SOX6: variants seen among roughly 807,000 people sequenced by gnomAD.
The protein encoded by SOX6 is SRY-box transcription factor 6, also known as transcription factor SOX-6.
Under a neutral mutation model 97.8 loss-of-function variants are expected in SOX6, and 11 were observed. The observed-to-expected ratio is 0.11, with a 90% CI of 0.07 to 0.19. The LOEUF (loss-of-function observed/expected upper bound fraction) is 0.19. Among genes scored for constraint, SOX6 ranks in the 10% least tolerant of loss-of-function variants. SOX6 has a pLI of 1.00. For synonymous variants in SOX6, 360 were observed against 371.4 expected, an observed-to-expected ratio of 0.97 and a Z score of 0.35; for missense variants, 810 against 1,039.5, an observed-to-expected ratio of 0.78 and a Z score of 3.04.
chr11:16,652,867 A>C (rs1416418319), intron 3 of SOX6, among the ~76,000 whole-genome samples: 2 of 152,148 alleles, frequency 1.3e-5, no homozygotes, highest in African/African-American at 4.8e-5. Flanking sequence ...CTATGCATCC[A>C]ACAAAGGACT....
chr11:16,440,434 C>T (rs541371453), intron 1 of SOX6, among the ~76,000 whole-genome samples: 9 of 152,276 alleles, frequency 5.9e-5, no homozygotes, highest in South Asian at 2.1e-4. Flanking sequence ...AGAAGCAGGA[C>T]GCAGAGCATA....
chr11:16,339,960 A>T (rs1565100165), intron 2 of SOX6, among the ~76,000 whole-genome samples: 2 of 152,068 alleles, frequency 1.3e-5, no homozygotes, highest in African/African-American at 4.8e-5. Context: ...TCCCTTTCAA[A>T]ACTAAAATTA....
chr11:16,138,520 T>G (rs554517733), intron 6 of SOX6, among the ~76,000 whole-genome samples: 3 of 152,146 alleles, frequency 2.0e-5, no homozygotes, highest in East Asian at 1.9e-4. Flanking sequence ...TAAAAATTTT[T>G]TTGTTGTTGT....
chr11:15,988,647 G>A (rs1039894387), intron 14 of SOX6, among the ~76,000 whole-genome samples: 2 of 152,198 alleles, frequency 1.3e-5, no homozygotes, highest in African/African-American at 2.4e-5. Context: ...CACAGTAAAA[G>A]GAGATAAAGC....
At chr11:16,668,962 CT>C (rs1389758804) in intron 3 of SOX6, among the ~76,000 whole-genome samples, 1 of 152,326 alleles carries the variant, frequency 6.6e-6, no homozygotes, top group Non-Finnish European at 1.5e-5. Context: ...TAACACCATG[CT>C]TTCAGCACTG....
intron 6 of SOX6, among the ~76,000 whole-genome samples, chr11:16,180,430 T>C (rs1453959298): frequency 6.6e-6 from 1 of 151,722 alleles, no homozygotes; most frequent in African/African-American, 2.4e-5. Context: ...CCATGACCTA[T>C]TAGTTTTGCT....
intron 13 of SOX6, 146 bp downstream of exon 13, chr11:16,014,796 G>A (rs954975969): frequency 3.0e-5 from 22 of 736,936 alleles, no homozygotes; most frequent in South Asian, 1.7e-4. Context: ...ACATACATAC[G>A]TAGTTGAAGA....
intron 1 of SOX6, among the ~76,000 whole-genome samples, chr11:16,385,178 C>A (rs1857944534): frequency 6.6e-6 from 1 of 152,028 alleles, no homozygotes; most frequent in Non-Finnish European, 1.5e-5. Flanking sequence ...TAATCTGTGG[C>A]AGAATCATAA....
At position 16,496,067 on chromosome 11, in the gene SOX6, C is replaced by G. The variant is rs181086467; in HGVS notation, n.610-19679G>C. On this transcript the variant is annotated intron_variant and non_coding_transcript_variant, in intron 4 of 5. Transcript: ENST00000524520. ...TGCTCTACTCAACGAACCCCATAGA[C>G]AGAGCTTCAAGGAAGAGTCCTCTGC... 2.1e-3 allele frequency among the ~76,000 whole-genome samples: 322 copies of G among 152,244 alleles called. 5 individuals are homozygous for G. Among genetic ancestry groups the G allele is most frequent in the Non-Finnish European group, 2.9e-4 (20 of 68,020 alleles).
chr11:15,988,856 C>A (rs554107102), intron 14 of SOX6, 141 bp downstream of exon 14: 1 of 776,376 alleles, frequency 1.3e-6, no homozygotes, highest in South Asian at 1.6e-5. Flanking sequence ...AAGGCTCCTG[C>A]GGCAGCTGGC....
Position 16,179,358 on chromosome 11 carries a change from G to A in SOX6, c.777+4528C>T, listed in dbSNP as rs556299944. ...TACAGACTCACAAAATATATAAATAGCACACAGGAATATATTATAATCAAA... is the reference window on the plus strand; with the variant it reads ...TACAGACTCACAAAATATATAAATAACACACAGGAATATATTATAATCAAA... On this transcript the variant is annotated intron_variant, in intron 6 of 15. Transcript: ENST00000683767. 5.9e-5 allele frequency among the ~76,000 whole-genome samples: 9 copies of A among 151,804 alleles called. No homozygotes were observed. In the South Asian group the frequency reaches 1.0e-3, roughly 17 times the overall value.
At chr11:16,489,616 T>G (rs949942042) in intron 4 of SOX6, among the ~76,000 whole-genome samples, 4 of 152,104 alleles carry the variant, frequency 2.6e-5, no homozygotes, top group African/African-American at 9.7e-5. Flanking sequence ...TAACTTCAAT[T>G]TCCTTATCTA....
At position 16,716,870 on chromosome 11, in the gene SOX6, T is replaced by C. The variant is rs551684326; in HGVS notation, n.354-1965A>G. Among the ~76,000 whole-genome samples, 20 of 152,274 alleles carry C rather than the reference T, an allele frequency of 1.3e-4. No individual in the cohort carries two copies. In the South Asian group the frequency reaches 2.5e-3, roughly 19 times the overall value. ...ACAGAAAAAAATTAATTTATGATCT[T>C]AGAAGTCAGGATAGTTACCTTTGAG... On this transcript the variant is annotated intron_variant and non_coding_transcript_variant, in intron 2 of 5. Transcript: ENST00000524520.
At chr11:16,024,008 G>A (rs1174530594) in intron 12 of SOX6, among the ~76,000 whole-genome samples, 2 of 152,112 alleles carry the variant, frequency 1.3e-5, no homozygotes. Flanking sequence ...GAATGTGACT[G>A]TATTTGGAGA....
chr11:16,397,112 G>A (rs867494183), intron 1 of SOX6, among the ~76,000 whole-genome samples: 36 of 151,380 alleles, frequency 2.4e-4, no homozygotes, highest in Admixed American at 1.8e-3. Context: ...AAACAAGAGA[G>A]TTTGTCACTG....
intron 1 of SOX6, among the ~76,000 whole-genome samples, chr11:16,401,485 T>G (rs1858557135): frequency 1.3e-5 from 2 of 151,600 alleles, no homozygotes; most frequent in South Asian, 4.1e-4. Context: ...TTAGACATGT[T>G]TTTTTATAAT....
chr11:16,378,214 A>G (rs1476660344), intron 1 of SOX6, among the ~76,000 whole-genome samples: 1 of 152,204 alleles, frequency 6.6e-6, no homozygotes, highest in Non-Finnish European at 1.5e-5. Flanking sequence ...GGATTCGTTA[A>G]ATTAAAAATG....
At chr11:16,549,442 T>C (rs910098744) in intron 4 of SOX6, among the ~76,000 whole-genome samples, 2 of 152,192 alleles carry the variant, frequency 1.3e-5, no homozygotes, top group Admixed American at 1.3e-4. Flanking sequence ...ATAACTAAAA[T>C]TTTTTAAATG....
chr11:16,484,151 G>C, intron 4 of SOX6: 1 of 778,922 alleles, frequency 1.3e-6, no homozygotes, highest in Non-Finnish European at 2.4e-6. Flanking sequence ...CTTTAAGCCA[G>C]GTTTATTTAA....
Sources: allele counts gnomAD v4.1 joint callset (sites outside exome capture counted in the v4.1 genomes callset), GRCh38; gene constraint gnomAD v4.1.1; transcripts MANE v1.5; gene names NCBI Gene and HGNC (gene_info 2026-07-23, HGNC 2026-07-21).